ANKFN1: variants seen among roughly 807,000 people sequenced by gnomAD.
The protein encoded by ANKFN1 is ankyrin repeat and fibronectin type-III domain-containing protein 1.
In ANKFN1, 74 loss-of-function variants were observed where a neutral mutation model predicts 108.7. The observed-to-expected ratio is 0.68, with a 90% CI of 0.56 to 0.83. The LOEUF is 0.83. Ranked by LOEUF, ANKFN1 falls within the 40% of genes least tolerant of loss-of-function variation. The probability of loss-of-function intolerance (pLI) is 0.00; values close to 1 mark genes in which losing one functional copy is unlikely to be tolerated. For synonymous variants in ANKFN1, 547 were observed against 516.2 expected (o/e 1.06, Z -0.81); for missense variants, 1,505 against 1,382.3 (o/e 1.09, Z -1.41).
In ANKFN1 at chr17:56,084,787, G is replaced by T. The variant is rs537528077; in HGVS notation, c.288+38462G>T. ...CAGGCTTGATGAAGAAAGCCTTCAA[G>T]TTGTAGAATGAGATGAAAGTGGCTC... is the stretch of plus-strand genomic sequence containing the variant. On this transcript the variant is annotated intron_variant, in intron 4 of 12. Coordinates refer to the ANKFN1 transcript ENST00000635860. Among the ~76,000 whole-genome samples, 7 of 151,380 alleles carry T rather than the reference G, an allele frequency of 4.6e-5. 1 individual carries two copies. Among genetic ancestry groups the T allele is most frequent in the African/African-American group, 1.7e-4 (7 of 41,300 alleles).
intron 4 of ANKFN1, among the ~76,000 whole-genome samples, chr17:56,058,598 C>T (rs374211159): frequency 2.1e-5 from 3 of 143,056 alleles, no homozygotes; most frequent in East Asian, 4.0e-4. Flanking sequence ...CCCCCTACCC[C>T]CCAAAAGGCC....
At chr17:56,304,982 G>T (rs909565707) in intron 3 of ANKFN1, among the ~76,000 whole-genome samples, 3 of 152,090 alleles carry the variant, frequency 2.0e-5, no homozygotes, top group African/African-American at 7.2e-5. Context: ...TCCATCCTTA[G>T]CCTGCTGTAA....
In ANKFN1 at chr17:56,255,813, A is replaced by T. The variant is rs1222165857; in HGVS notation, c.53+27856A>T. 3.9e-5 allele frequency among the ~76,000 whole-genome samples: 6 copies of T among 152,184 alleles called. No individual in the cohort carries two copies. In the East Asian group the frequency reaches 1.2e-3, roughly 29 times the overall value. ...TATATTTTATCATTACTTGTTAAGC[A>T]TCCATAATCTAATATTAGGAATTTA... On this transcript the variant is annotated intron_variant, in intron 3 of 20. Transcript: ENST00000682825.
At chr17:56,393,238 A>C (rs1482003409) in intron 8 of ANKFN1, among the ~76,000 whole-genome samples, 1 of 152,110 alleles carries the variant, frequency 6.6e-6, no homozygotes. Flanking sequence ...CCTACCTAAC[A>C]TCACTGCAGG....
intron 6 of ANKFN1, among the ~76,000 whole-genome samples, chr17:56,363,304 T>C (rs1418821071): frequency 6.6e-6 from 1 of 151,822 alleles, no homozygotes; most frequent in Non-Finnish European, 1.5e-5. Flanking sequence ...CCAACAGATA[T>C]ATGGAAAAAA....
intron 4 of ANKFN1, among the ~76,000 whole-genome samples, chr17:56,116,746 A>G (rs1334059722): frequency 6.6e-6 from 1 of 152,150 alleles, no homozygotes; most frequent in African/African-American, 2.4e-5. Flanking sequence ...ACCCAGTCTC[A>G]GGTATTCCTT....
chr17:56,427,012 C>CAAAT (rs2048590353), intron 8 of ANKFN1, among the ~76,000 whole-genome samples: 1 of 152,184 alleles, frequency 6.6e-6, no homozygotes, highest in East Asian at 1.9e-4. Context: ...AATGTGAAAA[C>CAAAT]AAATACAGAA....
chr17:56,474,891 TC>T (rs1450759614), intron 15 of ANKFN1, among the ~76,000 whole-genome samples: 6 of 152,196 alleles, frequency 3.9e-5, no homozygotes, highest in Admixed American at 2.6e-4. Flanking sequence ...AATAATTGCT[TC>T]TTGATCATGA....
chr17:56,194,121 A>G, intron 1 of ANKFN1, among the ~76,000 whole-genome samples: 1 of 152,200 alleles, frequency 6.6e-6, no homozygotes, highest in East Asian at 1.9e-4. Flanking sequence ...TGCTGAGAAC[A>G]TCAAATGCTT....
chr17:56,473,149 A>G (rs1237572708), intron 15 of ANKFN1: 2 of 152,202 alleles, frequency 1.3e-5, no homozygotes, highest in Admixed American at 1.3e-4. Flanking sequence ...CACAAGACTG[A>G]TACATAGTAA....
At chr17:56,112,029 T>G (rs1905993084) in intron 4 of ANKFN1, among the ~76,000 whole-genome samples, 1 of 152,228 alleles carries the variant, frequency 6.6e-6, no homozygotes, top group South Asian at 2.1e-4. Flanking sequence ...TAGCTACAGA[T>G]GAAATTATCT....
At chr17:56,484,787 C>CAT (rs1015106060) in intron 18 of ANKFN1, among the ~76,000 whole-genome samples, 1 of 152,182 alleles carries the variant, frequency 6.6e-6, no homozygotes. Flanking sequence ...ACCAGGATTC[C>CAT]ATTCTGTGTT....
At chr17:56,084,518 T>A (rs1464463400) in intron 4 of ANKFN1, among the ~76,000 whole-genome samples, 2 of 151,326 alleles carry the variant, frequency 1.3e-5, no homozygotes, top group Non-Finnish European at 3.0e-5. Flanking sequence ...TGACTGAGCC[T>A]CTATCGTGTG....
At chr17:56,414,279 T>G (rs1324578521) in intron 8 of ANKFN1, among the ~76,000 whole-genome samples, 1 of 152,202 alleles carries the variant, frequency 6.6e-6, no homozygotes, top group African/African-American at 2.4e-5. Flanking sequence ...AGCTCTTCTT[T>G]GTACATCTGG....
chr17:56,279,041 T>G (rs1323172453), intron 3 of ANKFN1, among the ~76,000 whole-genome samples: 2 of 152,232 alleles, frequency 1.3e-5, no homozygotes, highest in Non-Finnish European at 2.9e-5. Context: ...TTTTCTTCTT[T>G]AGTAAGATAT....
At chr17:56,403,034 G>C (rs1002732217) in intron 8 of ANKFN1, among the ~76,000 whole-genome samples, 6 of 152,080 alleles carry the variant, frequency 3.9e-5, no homozygotes, top group Non-Finnish European at 8.8e-5. Flanking sequence ...TTGACTTCCA[G>C]TTTTATTCCA....
chr17:56,056,753 A>G, intron 4 of ANKFN1, among the ~76,000 whole-genome samples: 1 of 152,376 alleles, frequency 6.6e-6, no homozygotes, highest in East Asian at 1.9e-4. Flanking sequence ...TCTTCTGGAC[A>G]TTTGCCTAGG....
intron 4 of ANKFN1, among the ~76,000 whole-genome samples, chr17:56,109,783 A>C (rs960654153): frequency 6.6e-6 from 1 of 152,230 alleles, no homozygotes; most frequent in Non-Finnish European, 1.5e-5. Flanking sequence ...CTAATAAACA[A>C]CCATCTAAGG....
At chr17:56,094,652 C>T (rs1905490893) in intron 4 of ANKFN1, among the ~76,000 whole-genome samples, 1 of 108,278 alleles carries the variant, frequency 9.2e-6, no homozygotes, top group Non-Finnish European at 2.1e-5. Context: ...TACAGGCGCA[C>T]ACCACCACGC....
Sources: gnomAD v4.1 joint callset for allele counts (sites outside exome capture counted in the v4.1 genomes callset) on GRCh38, gnomAD v4.1.1 for gene constraint, MANE v1.5 for transcripts, NCBI Gene and HGNC (gene_info 2026-07-23, HGNC 2026-07-21) for gene names.